Variants in SRRM3 observed in about 807,000 individuals in gnomAD.
SRRM3 encodes the protein serine/arginine repetitive matrix 3, also known as serine/arginine repetitive matrix protein 3.
In SRRM3, 27 loss-of-function variants were observed where a neutral mutation model predicts 66.2. That is an observed-to-expected ratio of 0.41 (90% confidence interval 0.30 to 0.56). The LOEUF (loss-of-function observed/expected upper bound fraction) is 0.56, where lower values mean the gene tolerates loss of function less well. SRRM3 is among the 20% of genes least tolerant of loss of function. The probability of loss-of-function intolerance (pLI) is 0.32; values close to 1 mark genes in which losing one functional copy is unlikely to be tolerated. For synonymous variants in SRRM3, 391 were observed against 414.9 expected (o/e 0.94, Z 0.70); for missense variants, 918 against 991.9 (o/e 0.93, Z 1.00).
At chr7:76,266,724 G>A (rs2117076957) in intron 10 of SRRM3, among the ~76,000 whole-genome samples, 1 of 144,574 alleles carries the variant, frequency 6.9e-6, no homozygotes, top group Admixed American at 7.4e-5. Flanking sequence ...CCAGGCTGGA[G>A]AGCAGTGGTG....
In SRRM3 at chr7:76,261,012, C is replaced by T; in HGVS notation, c.575+109C>T. On this transcript the variant is annotated intron_variant, in intron 6 of 14. Coordinates refer to ENST00000611745, the MANE Select transcript of SRRM3 (RefSeq NM_001110199.3). Reference sequence around the variant, plus strand: ...GAGGCCTGGACCCTCAGGGCCTGCACCTGGACACTGCCAAGGTGCAAGTTT... The same window carrying T: ...GAGGCCTGGACCCTCAGGGCCTGCATCTGGACACTGCCAAGGTGCAAGTTT... The T allele has an allele frequency of 3.4e-6, 4 of 1,193,628 alleles. No individual in the cohort carries two copies. In the South Asian group the frequency reaches 5.8e-5, roughly 17 times the overall value. The allele number at this position is 1,193,628 out of a possible 1,614,324, so 73.9% of individuals were successfully genotyped here. A position where few individuals can be genotyped will look rare whatever the true frequency, so the allele number is the denominator to read the frequency against.
intron 3 of SRRM3, among the ~76,000 whole-genome samples, chr7:76,258,574 C>T (rs781620764): frequency 2.0e-5 from 3 of 151,444 alleles, no homozygotes; most frequent in Non-Finnish European, 4.4e-5. Flanking sequence ...ATTAGCTGGG[C>T]GTGGTGGTGC....
chr7:76,285,474 A>G lies in SRRM3; in HGVS notation c.1734-141A>G. ...TCAACATGGAATTTGCAAGTAACCA[A>G]TGACCGTCAGATTCCATTTGGAGAA... On this transcript the variant is annotated intron_variant, in intron 14 of 14. Transcript: ENST00000611745. This position sits in a 1 kb window ranked among gnomAD's most constrained non-coding sequence, Gnocchi z 4.1. The G allele has an allele frequency of 1.5e-6, 1 of 662,360 alleles. No individual in the cohort carries two copies. The allele number at this position is 662,360 out of a possible 1,614,324, so 41.0% of individuals were successfully genotyped here. A position where few individuals can be genotyped will look rare whatever the true frequency, so the allele number is the denominator to read the frequency against.
At chr7:76,248,374 C>T (rs1432165567) in intron 3 of SRRM3, 85 bp downstream of exon 3, 2 of 1,017,554 alleles carry the variant, frequency 2.0e-6, no homozygotes, top group Admixed American at 2.0e-5. Context: ...GTCCAGGTGG[C>T]TTGGTCTGGT....
At chr7:76,259,403 A>AC (rs1463497265) in intron 3 of SRRM3, among the ~76,000 whole-genome samples, 3 of 151,634 alleles carry the variant, frequency 2.0e-5, no homozygotes, top group Non-Finnish European at 4.4e-5. Flanking sequence ...ACATAGTGAG[A>AC]CCCCGTCTCT....
At chr7:76,231,555 C>A (rs1554604233) in intron 1 of SRRM3, among the ~76,000 whole-genome samples, 1 of 152,260 alleles carries the variant, frequency 6.6e-6, no homozygotes, top group African/African-American at 2.4e-5. Context: ...GCTCCCAGGG[C>A]TCTCACCCGC....
chr7:76,249,492 G>A (rs1172635919), intron 3 of SRRM3, among the ~76,000 whole-genome samples: 2 of 152,182 alleles, frequency 1.3e-5, no homozygotes, highest in East Asian at 1.9e-4. Context: ...TGGATCAAAC[G>A]GGCAAGTTAT....
intron 1 of SRRM3, among the ~76,000 whole-genome samples, chr7:76,223,055 C>G (rs1800765617): frequency 6.6e-6 from 1 of 152,194 alleles, no homozygotes; most frequent in South Asian, 2.1e-4. Flanking sequence ...AGGGAGACCT[C>G]CTAGCTATGC....
intron 1 of SRRM3, among the ~76,000 whole-genome samples, chr7:76,220,013 A>G (rs1554603016): frequency 6.6e-6 from 1 of 152,232 alleles, no homozygotes; most frequent in Non-Finnish European, 1.5e-5. Context: ...TAGTCTAGGC[A>G]TAGTGAGAGC....
intron 10 of SRRM3, among the ~76,000 whole-genome samples, chr7:76,266,567 A>T (rs1347426574): frequency 1.7e-5 from 2 of 117,588 alleles, no homozygotes; most frequent in Non-Finnish European, 3.2e-5. Context: ...TATATAATAT[A>T]TAAACATTTA....
intron 1 of SRRM3, among the ~76,000 whole-genome samples, chr7:76,230,288 G>A (rs1241908554): frequency 2.0e-5 from 3 of 152,056 alleles, no homozygotes; most frequent in Non-Finnish European, 4.4e-5. Context: ...TTGAGTATAG[G>A]TCAATCAATC....
At chr7:76,269,375 G>T (rs1468289806) in intron 11 of SRRM3, 1 of 152,110 alleles carries the variant, frequency 6.6e-6, no homozygotes, top group African/African-American at 2.4e-5. Context: ...TCAGATCCCT[G>T]CCTCTCTGCC....
At chr7:76,215,200 C>T (rs1324880066) in intron 1 of SRRM3, among the ~76,000 whole-genome samples, 1 of 151,860 alleles carries the variant, frequency 6.6e-6, no homozygotes, top group Non-Finnish European at 1.5e-5. Context: ...GCACAACTAA[C>T]AGTTTTAAAT....
At chr7:76,267,220 A>T in intron 10 of SRRM3, 38 bp from the exon 11 acceptor site, 1 of 1,480,652 alleles carries the variant, frequency 6.8e-7, no homozygotes, top group East Asian at 2.8e-5. Flanking sequence ...CGGGTGTCCC[A>T]CGCCGACTCC....
chr7:76,215,964 A>AT (rs544399520), intron 1 of SRRM3, among the ~76,000 whole-genome samples: 1,542 of 137,446 alleles, frequency 0.011, 14 homozygotes, highest in African/African-American at 0.026. Flanking sequence ...CGCCCAGCTA[A>AT]TTTTTTTTTT....
intron 1 of SRRM3, among the ~76,000 whole-genome samples, chr7:76,207,620 T>G (rs1448050013): frequency 6.6e-6 from 1 of 152,036 alleles, no homozygotes; most frequent in Non-Finnish European, 1.5e-5. Context: ...TCCCAGCACT[T>G]TGGGAAGCCA....
intron 1 of SRRM3, among the ~76,000 whole-genome samples, chr7:76,206,440 G>A (rs1353688435): frequency 3.9e-5 from 6 of 152,146 alleles, no homozygotes; most frequent in African/African-American, 7.2e-5. Flanking sequence ...ACAGGGAAGG[G>A]CTTGTTACCA....
At chr7:76,254,562 G>A (rs1487234850) in intron 3 of SRRM3, among the ~76,000 whole-genome samples, 1 of 152,106 alleles carries the variant, frequency 6.6e-6, no homozygotes, top group Non-Finnish European at 1.5e-5. Context: ...AAATGATCCA[G>A]TTGCTTCAGC....
intron 1 of SRRM3, among the ~76,000 whole-genome samples, chr7:76,233,380 T>C (rs118090496): frequency 0.012 from 1,786 of 152,016 alleles, 51 homozygotes; most frequent in East Asian, 0.097. Context: ...GTGGGTCAGG[T>C]CAATAGGGGT....
Sources: allele counts gnomAD v4.1 joint callset (sites outside exome capture counted in the v4.1 genomes callset), GRCh38; gene constraint gnomAD v4.1.1; non-coding constraint Gnocchi (gnomAD v3.1); transcripts MANE v1.5; gene names NCBI Gene and HGNC (gene_info 2026-07-23, HGNC 2026-07-21).